Variants in PCDH9 observed in about 807,000 individuals in gnomAD.
PCDH9 encodes protocadherin 9, also known as protocadherin-9.
In PCDH9, 24 loss-of-function variants were observed where a neutral mutation model predicts 70.6. The ratio of observed to expected loss-of-function variants is 0.34; its 90% CI spans 0.25 to 0.48. PCDH9 has a LOEUF of 0.48. Ranked by LOEUF, PCDH9 falls within the 20% of genes least tolerant of loss-of-function variation. The pLI is 0.99. For synonymous variants in PCDH9, 562 were observed against 558.5 expected (o/e 1.01, Z -0.09); for missense variants, 1,281 against 1,503.6 (o/e 0.85, Z 2.45).
At chr13:66,861,139 G>A (rs888505640) in intron 3 of PCDH9, among the ~76,000 whole-genome samples, 1 of 152,150 alleles carries the variant, frequency 6.6e-6, no homozygotes, top group African/African-American at 2.4e-5. Flanking sequence ...GTGAGATATG[G>A]GGTGGTGTGA....
chr13:66,881,685 T>C (rs779106061), intron 3 of PCDH9, among the ~76,000 whole-genome samples: 2 of 152,172 alleles, frequency 1.3e-5, no homozygotes, highest in African/African-American at 2.4e-5. Flanking sequence ...TTTTACAAGG[T>C]GTGGGAAAAT....
chr13:66,826,535 T>C (rs1448051579), intron 3 of PCDH9, among the ~76,000 whole-genome samples: 1 of 152,166 alleles, frequency 6.6e-6, no homozygotes, highest in Non-Finnish European at 1.5e-5. Flanking sequence ...TAGTATATTA[T>C]TTTACTCAAT....
intron 2 of PCDH9, among the ~76,000 whole-genome samples, chr13:67,093,873 G>GGAATTTACTTTC (rs1339154825): frequency 6.6e-6 from 1 of 152,036 alleles, no homozygotes; most frequent in African/African-American, 2.4e-5. Flanking sequence ...ATTTTTCTTG[G>GGAATTTACTTTC]TAAATTTACT....
chr13:66,391,699 A>AG (rs1238561900), intron 4 of PCDH9, among the ~76,000 whole-genome samples: 9 of 151,958 alleles, frequency 5.9e-5, no homozygotes, highest in Non-Finnish European at 1.3e-4. Context: ...ATACCATAGA[A>AG]GTCTTAGAGA....
At chr13:67,175,860 T>A (rs2088436827) in intron 2 of PCDH9, among the ~76,000 whole-genome samples, 1 of 151,976 alleles carries the variant, frequency 6.6e-6, no homozygotes, top group South Asian at 2.1e-4. Context: ...ATTTTAGAGA[T>A]GCACCAAAAT....
intron 2 of PCDH9, among the ~76,000 whole-genome samples, chr13:67,054,005 G>A (rs1426722909): frequency 5.9e-5 from 9 of 152,140 alleles, no homozygotes; most frequent in Admixed American, 5.9e-4. Flanking sequence ...TTAGTCACCA[G>A]TGTAAGGACA....
chr13:66,689,602 T>G (rs1020655688), intron 3 of PCDH9, among the ~76,000 whole-genome samples: 1 of 152,174 alleles, frequency 6.6e-6, no homozygotes, highest in Non-Finnish European at 1.5e-5. Context: ...TCTTTTCCTT[T>G]CCTCCCTCTC....
At chr13:67,007,538 T>C (rs2084376171) in intron 2 of PCDH9, among the ~76,000 whole-genome samples, 1 of 152,180 alleles carries the variant, frequency 6.6e-6, no homozygotes, top group Admixed American at 6.6e-5. Context: ...CAGTTATTTG[T>C]GGCATAATTG....
intron 2 of PCDH9, chr13:67,216,363 A>T (rs2089600535): frequency 6.6e-6 from 1 of 152,170 alleles, no homozygotes; most frequent in African/African-American, 2.4e-5. Flanking sequence ...GTCAATTTTT[A>T]CTATGGTGTA....
chr13:66,720,404 C>G (rs2078927284), intron 3 of PCDH9, among the ~76,000 whole-genome samples: 1 of 150,174 alleles, frequency 6.7e-6, no homozygotes, highest in African/African-American at 2.4e-5. Context: ...CTCAGGTGAT[C>G]CACCTGCCTC....
At chr13:67,159,857 T>C (rs2087909594) in intron 2 of PCDH9, among the ~76,000 whole-genome samples, 1 of 152,210 alleles carries the variant, frequency 6.6e-6, no homozygotes. Flanking sequence ...CTAAACTATG[T>C]AGCCAAATAC....
chr13:67,181,301 A>G (rs2138482957), intron 2 of PCDH9, among the ~76,000 whole-genome samples: 1 of 152,292 alleles, frequency 6.6e-6, no homozygotes, highest in Admixed American at 6.5e-5. Flanking sequence ...AAGCAGCTGC[A>G]TAGGGAGAAT....
chr13:66,821,448 G>A (rs1487757381), intron 3 of PCDH9, among the ~76,000 whole-genome samples: 1 of 152,050 alleles, frequency 6.6e-6, no homozygotes, highest in Non-Finnish European at 1.5e-5. Context: ...GAGACATTCT[G>A]GGAAGCCAAA....
chr13:66,680,474 T>C (rs2139058192), intron 3 of PCDH9, among the ~76,000 whole-genome samples: 2 of 152,142 alleles, frequency 1.3e-5, no homozygotes, highest in Non-Finnish European at 2.9e-5. Context: ...CTTTTTAGTA[T>C]TATAAATTTA....
intron 4 of PCDH9, among the ~76,000 whole-genome samples, chr13:66,395,422 G>A (rs1193180822): frequency 6.6e-6 from 1 of 152,026 alleles, no homozygotes; most frequent in African/African-American, 2.4e-5. Context: ...CCAAGATGGT[G>A]AAACCCCGTC....
chr13:66,585,596 C>T (rs1160794454), intron 4 of PCDH9, among the ~76,000 whole-genome samples: 1 of 151,784 alleles, frequency 6.6e-6, no homozygotes, highest in Non-Finnish European at 1.5e-5. Flanking sequence ...TAACGCATTC[C>T]CCAGTATTCA....
At chr13:66,319,013 C>T (rs1474556676) in intron 4 of PCDH9, among the ~76,000 whole-genome samples, 2 of 152,066 alleles carry the variant, frequency 1.3e-5, no homozygotes, top group African/African-American at 4.8e-5. Flanking sequence ...TAAAGAACTG[C>T]CCGAGACTGG....
intron 2 of PCDH9, among the ~76,000 whole-genome samples, chr13:67,102,946 C>T (rs2138244673): frequency 6.6e-6 from 1 of 152,132 alleles, no homozygotes; most frequent in East Asian, 1.9e-4. Context: ...TAAAAATACA[C>T]TTTCTATACA....
At chr13:66,329,626 G>C (rs1157564917) in intron 4 of PCDH9, among the ~76,000 whole-genome samples, 2 of 152,120 alleles carry the variant, frequency 1.3e-5, no homozygotes, top group Non-Finnish European at 2.9e-5. Flanking sequence ...TACATGGAAT[G>C]GGTTTTTAAT....
Sources: gnomAD v4.1 joint callset for allele counts (sites outside exome capture counted in the v4.1 genomes callset) on GRCh38, gnomAD v4.1.1 for gene constraint, MANE v1.5 for transcripts, NCBI Gene and HGNC (gene_info 2026-07-23, HGNC 2026-07-21) for gene names.